The following AK4 variants were observed in gnomAD, a reference collection of about 807,000 sequenced individuals.
The protein encoded by AK4 is adenylate kinase 4, also known as adenylate kinase 4, mitochondrial.
In AK4, 13 loss-of-function variants were observed where a neutral mutation model predicts 24.6. That is an observed-to-expected ratio of 0.53 (90% CI 0.34 to 0.84). The LOEUF (loss-of-function observed/expected upper bound fraction) is 0.84, where lower values mean the gene tolerates loss of function less well. AK4 is among the 40% of genes least tolerant of loss of function. The pLI, the probability that AK4 is intolerant of heterozygous loss-of-function variation, is 0.01. For missense variants in AK4, 192 were observed against 288.2 expected (o/e 0.67, Z 2.42); for synonymous variants, 88 against 107.0 (o/e 0.82, Z 1.10).
At chr1:65,188,376 C>G (rs1570105706) in intron 1 of AK4, among the ~76,000 whole-genome samples, 1 of 151,618 alleles carries the variant, frequency 6.6e-6, no homozygotes, top group Non-Finnish European at 1.5e-5. Flanking sequence ...GCCTGGGTGA[C>G]AGTGAGACTC....
rs1302460993 is a variant in AK4 at position 65,230,770 on chromosome 1, A to G, written c.*4593A>G. ...GTTTTTGGTGCTTTGGTGCAGAGAC[A>G]GGAAATGGGCACTCAGAGTCACACT... is the stretch of plus-strand genomic sequence containing the variant. On this transcript the variant is annotated 3_prime_UTR_variant, in exon 5 of 5. Transcript: ENST00000327299. 5 of 152,328 alleles carry G rather than the reference A, an allele frequency of 3.3e-5. No individual in the cohort carries two copies. The highest frequency in any genetic ancestry group is 5.9e-5 in the Non-Finnish European group (4 of 68,038). The allele number at this position is 152,328 out of a possible 1,614,324, so 9.4% of individuals were successfully genotyped here.
At chr1:65,158,319 A>G (rs372777775) in intron 1 of AK4, among the ~76,000 whole-genome samples, 1 of 152,170 alleles carries the variant, frequency 6.6e-6, no homozygotes. Context: ...GTTCCCTTCA[A>G]AATCTACCAA....
intron 2 of AK4, among the ~76,000 whole-genome samples, chr1:65,215,316 C>T (rs913153299): frequency 6.6e-6 from 1 of 152,132 alleles, no homozygotes; most frequent in East Asian, 1.9e-4. Flanking sequence ...GGATTACAGG[C>T]GCCTGCCACC....
chr1:65,161,562 C>T (rs1570069908), intron 1 of AK4, among the ~76,000 whole-genome samples: 1 of 152,236 alleles, frequency 6.6e-6, no homozygotes, highest in Non-Finnish European at 1.5e-5. Context: ...AGCCTTTCCA[C>T]ACCTGTTGCA....
intron 1 of AK4, among the ~76,000 whole-genome samples, chr1:65,155,002 C>G (rs1349434128): frequency 6.6e-6 from 1 of 151,968 alleles, no homozygotes; most frequent in East Asian, 1.9e-4. Flanking sequence ...AGGCGCCCAC[C>G]ACCATGCCCA....
At chr1:65,194,318 C>A (rs1314901749) in intron 2 of AK4, among the ~76,000 whole-genome samples, 1 of 152,188 alleles carries the variant, frequency 6.6e-6, no homozygotes, top group Non-Finnish European at 1.5e-5. Flanking sequence ...AGGGCACAGA[C>A]AAAATTTGTC....
chr1:65,159,712 G>A (rs1169095667), intron 1 of AK4, among the ~76,000 whole-genome samples: 1 of 151,362 alleles, frequency 6.6e-6, no homozygotes, highest in Non-Finnish European at 1.5e-5. Context: ...GCTCATGCCT[G>A]TAATCCCAGC....
intron 1 of AK4, among the ~76,000 whole-genome samples, chr1:65,186,634 T>C (rs973285910): frequency 6.6e-5 from 10 of 152,250 alleles, no homozygotes; most frequent in Non-Finnish European, 2.9e-5. Context: ...ATTTTGGTCT[T>C]TCACCTTGGA....
intron 2 of AK4, among the ~76,000 whole-genome samples, chr1:65,191,546 G>GT (rs36049245): frequency 8.4e-4 from 122 of 145,692 alleles, no homozygotes; most frequent in Middle Eastern, 7.2e-3. Context: ...GGGAAGGTAG[G>GT]TTTTTTTTTT....
At chr1:65,224,550 C>T (rs1652395252) in intron 3 of AK4, among the ~76,000 whole-genome samples, 1 of 152,178 alleles carries the variant, frequency 6.6e-6, no homozygotes, top group Admixed American at 6.5e-5. Context: ...GATTTAATGT[C>T]AGCTCCCAGG....
intron 1 of AK4, among the ~76,000 whole-genome samples, chr1:65,185,615 T>C (rs1651069730): frequency 6.7e-6 from 1 of 149,476 alleles, no homozygotes; most frequent in African/African-American, 2.5e-5. Context: ...TGAAACCGAA[T>C]ATGACCATCT....
rs1159682378 is a variant in AK4 at position 65,217,818 on chromosome 1, A to G, written c.266-936A>G. Among the ~76,000 whole-genome samples, 7 of 152,246 alleles carry G rather than the reference A, an allele frequency of 4.6e-5. No homozygotes were observed. In the East Asian group the frequency reaches 1.2e-3, roughly 25 times the overall value. On this transcript the variant is annotated intron_variant, in intron 2 of 4. Transcript: ENST00000327299. ...AGTTTTGCATTATCCCAATAGATTT[A>G]AAAACTCTAGTTCCTTTTAAAATCT...
chr1:65,202,928 G>T (rs183782393), intron 2 of AK4, among the ~76,000 whole-genome samples: 1 of 110,818 alleles, frequency 9.0e-6, no homozygotes, highest in Non-Finnish European at 1.8e-5. Flanking sequence ...CTGGAGTGTA[G>T]TGGCACCATC....
At chr1:65,151,526 C>T (rs1649770871) in intron 1 of AK4, among the ~76,000 whole-genome samples, 1 of 152,174 alleles carries the variant, frequency 6.6e-6, no homozygotes, top group African/African-American at 2.4e-5. Context: ...CAGGTGTGAG[C>T]CACTGCACCT....
At chr1:65,188,277 C>T (rs981522368) in intron 1 of AK4, among the ~76,000 whole-genome samples, 14 of 152,050 alleles carry the variant, frequency 9.2e-5, no homozygotes, top group African/African-American at 3.4e-4. Flanking sequence ...CATCTATAAT[C>T]CCAGCTACTT....
chr1:65,172,063 G>GTGTGTGTATATATATATATATA (rs1433940516), intron 1 of AK4, among the ~76,000 whole-genome samples: 1 of 65,746 alleles, frequency 1.5e-5, no homozygotes, highest in South Asian at 8.6e-4. Context: ...TCCATCTCAA[G>GTGTGTGTATATATATATATATA]TATATATATA....
At chr1:65,210,762 C>G (rs1379503546) in intron 2 of AK4, among the ~76,000 whole-genome samples, 1 of 152,112 alleles carries the variant, frequency 6.6e-6, no homozygotes, top group Non-Finnish European at 1.5e-5. Flanking sequence ...TTCATTTTTT[C>G]CCAGTACCGT....
In AK4 at chr1:65,228,585, A is replaced by G. The variant is rs1056746655; in HGVS notation, c.*2408A>G. 3 of 152,278 alleles carry G rather than the reference A, an allele frequency of 2.0e-5. No homozygotes were observed. The highest frequency in any genetic ancestry group is 2.9e-5 in the Non-Finnish European group (2 of 68,028). 9.4% of individuals were successfully genotyped at this position (152,278 alleles called of 1,614,324 possible). On this transcript the variant is annotated 3_prime_UTR_variant, in exon 5 of 5. Transcript: ENST00000327299. ...AAACATAATGCTTATTTCGTGGTCA[A>G]TGGCTTTAAAAAAATCTGTTTCTTG... is the stretch of plus-strand genomic sequence containing the variant.
At chr1:65,167,684 A>G (rs1460597397) in intron 1 of AK4, among the ~76,000 whole-genome samples, 1 of 152,086 alleles carries the variant, frequency 6.6e-6, no homozygotes, top group Non-Finnish European at 1.5e-5. Flanking sequence ...ATTGGAAGGG[A>G]TTTTTAGTCA....
Sources: gnomAD v4.1 joint callset for allele counts (sites outside exome capture counted in the v4.1 genomes callset) on GRCh38, gnomAD v4.1.1 for gene constraint, MANE v1.5 for transcripts, NCBI Gene and HGNC (gene_info 2026-07-23, HGNC 2026-07-21) for gene names.